Variants in NBEA observed in about 807,000 individuals in gnomAD.
NBEA encodes neurobeachin, also known as lysosomal-trafficking regulator 2.
In NBEA, 44 loss-of-function variants were observed where a neutral mutation model predicts 343.4. The ratio of observed to expected loss-of-function variants is 0.13; its 90% CI spans 0.10 to 0.16. NBEA has a LOEUF of 0.16. Among genes scored for constraint, NBEA ranks in the 10% least tolerant of loss-of-function variants. The pLI, the probability that NBEA is intolerant of heterozygous loss-of-function variation, is 1.00. For missense variants in NBEA, 2,555 were observed against 3,631.3 expected (o/e 0.70, Z 7.62); for synonymous variants, 1,175 against 1,238.7 (o/e 0.95, Z 1.08).
In NBEA at chr13:34,943,220, T is replaced by C. The variant is rs1593243514; in HGVS notation, c.294+106T>C. 9 of 1,429,500 alleles carry C rather than the reference T, an allele frequency of 6.3e-6. No homozygotes were observed. In the East Asian group the frequency reaches 2.0e-4, roughly 31 times the overall value. 88.6% of individuals were successfully genotyped at this position (1,429,500 alleles called of 1,614,324 possible). ...CCCCCAGGGTCACACGCGCCGCGCG[T>C]CCCTGGGAGCGCAGAGCGTTCAGCC... On this transcript the variant is annotated intron_variant, in intron 1 of 58. Coordinates refer to ENST00000379939, the MANE Select transcript of NBEA (RefSeq NM_001385012.1).
intron 44 of NBEA, among the ~76,000 whole-genome samples, chr13:35,561,781 A>G (rs2079869642): frequency 1.3e-5 from 2 of 152,160 alleles, no homozygotes; most frequent in South Asian, 4.1e-4. Context: ...ACACACATTT[A>G]CTGTATGTAA....
At chr13:35,567,927 G>A (rs946723902) in intron 45 of NBEA, among the ~76,000 whole-genome samples, 1 of 152,080 alleles carries the variant, frequency 6.6e-6, no homozygotes, top group Non-Finnish European at 1.5e-5. Flanking sequence ...CCCTTTTCTG[G>A]CCTTTGAAAC....
chr13:35,153,036 CTT>C (rs1170584559), intron 18 of NBEA, among the ~76,000 whole-genome samples: 23 of 123,322 alleles, frequency 1.9e-4, no homozygotes, highest in African/African-American at 4.7e-4. Flanking sequence ...TACATAGGTT[CTT>C]TTTTTTTTTT....
intron 41 of NBEA, among the ~76,000 whole-genome samples, chr13:35,489,521 A>G (rs2152972649): frequency 6.6e-6 from 1 of 152,034 alleles, no homozygotes; most frequent in Admixed American, 6.6e-5. Flanking sequence ...AATTCTCCAA[A>G]TCATAATCTA....
intron 45 of NBEA, among the ~76,000 whole-genome samples, chr13:35,569,119 G>A (rs1229272606): frequency 6.6e-6 from 1 of 152,110 alleles, no homozygotes; most frequent in Non-Finnish European, 1.5e-5. Context: ...ATTGATATAG[G>A]CCATATGCTT....
chr13:35,189,572 A>T (rs927377898), intron 30 of NBEA, among the ~76,000 whole-genome samples: 2 of 152,018 alleles, frequency 1.3e-5, no homozygotes, highest in Non-Finnish European at 2.9e-5. Flanking sequence ...AAAACAAGCT[A>T]GGGCAAGAGA....
chr13:35,236,042 T>A (rs2075212420), intron 34 of NBEA, among the ~76,000 whole-genome samples: 1 of 152,240 alleles, frequency 6.6e-6, no homozygotes, highest in South Asian at 2.1e-4. Flanking sequence ...GATGTAATAT[T>A]TATGTCTTTC....
chr13:35,646,129 A>G, intron 50 of NBEA, 130 bp from the exon 51 acceptor site: 1 of 759,160 alleles, frequency 1.3e-6, no homozygotes, highest in South Asian at 1.8e-5. Context: ...ACCCTGAGAA[A>G]AGAGCACCCG....
chr13:35,563,230 G>C (rs2079967639), intron 44 of NBEA, among the ~76,000 whole-genome samples: 1 of 151,402 alleles, frequency 6.6e-6, no homozygotes, highest in African/African-American at 2.4e-5. Flanking sequence ...GAAAAGGAAA[G>C]GACCCTACCA....
intron 34 of NBEA, among the ~76,000 whole-genome samples, chr13:35,272,394 C>T (rs765507144): frequency 6.6e-6 from 1 of 152,070 alleles, no homozygotes; most frequent in African/African-American, 2.4e-5. Flanking sequence ...CCAGCCACTG[C>T]GAAAACATGC....
chr13:35,426,114 G>T (rs1378954002), intron 38 of NBEA, among the ~76,000 whole-genome samples: 2 of 152,156 alleles, frequency 1.3e-5, no homozygotes, highest in Non-Finnish European at 2.9e-5. Flanking sequence ...TTGCCAGTCT[G>T]TTTCTTTTAA....
intron 36 of NBEA, among the ~76,000 whole-genome samples, chr13:35,312,564 T>C (rs1355757093): frequency 1.3e-5 from 2 of 152,216 alleles, no homozygotes; most frequent in African/African-American, 4.8e-5. Context: ...TGAAAATGTT[T>C]AGGTGTGGCC....
At chr13:35,652,260 G>A (rs940449097) in intron 53 of NBEA, among the ~76,000 whole-genome samples, 2 of 151,630 alleles carry the variant, frequency 1.3e-5, no homozygotes, top group Admixed American at 1.3e-4. Flanking sequence ...CAAGTTGATG[G>A]GTGCAGCAAA....
chr13:35,257,695 A>G (rs865887871), intron 34 of NBEA, among the ~76,000 whole-genome samples: 1 of 152,220 alleles, frequency 6.6e-6, no homozygotes, highest in South Asian at 2.1e-4. Context: ...TTTGAAAATC[A>G]TTCTTAAAAA....
At chr13:35,451,818 C>G (rs968071790) in intron 39 of NBEA, among the ~76,000 whole-genome samples, 2 of 152,192 alleles carry the variant, frequency 1.3e-5, no homozygotes, top group Non-Finnish European at 2.9e-5. Context: ...GTTCGTTTCT[C>G]TACCACTAGC....
intron 41 of NBEA, among the ~76,000 whole-genome samples, chr13:35,518,087 A>G (rs2077553467): frequency 6.6e-6 from 1 of 152,174 alleles, no homozygotes; most frequent in Non-Finnish European, 1.5e-5. Flanking sequence ...TTTAATGAGC[A>G]TGTACTTCCC....
intron 34 of NBEA, chr13:35,251,424 G>T: frequency 1.9e-6 from 2 of 1,055,758 alleles, no homozygotes. Context: ...CTCGTCAGTG[G>T]TGGCTCACTT....
At chr13:35,149,117 C>T (rs2068615090) in intron 18 of NBEA, among the ~76,000 whole-genome samples, 1 of 152,134 alleles carries the variant, frequency 6.6e-6, no homozygotes, top group Non-Finnish European at 1.5e-5. Flanking sequence ...CCACAAATCA[C>T]AAGATTAGTA....
chr13:35,411,199 A>C (rs1361765678), intron 38 of NBEA, among the ~76,000 whole-genome samples: 1 of 152,110 alleles, frequency 6.6e-6, no homozygotes, highest in Non-Finnish European at 1.5e-5. Context: ...CTTGTTTAAA[A>C]TTTCTGTTGA....
Sources: gnomAD v4.1 joint callset for allele counts (sites outside exome capture counted in the v4.1 genomes callset) on GRCh38, gnomAD v4.1.1 for gene constraint, MANE v1.5 for transcripts, NCBI Gene and HGNC (gene_info 2026-07-23, HGNC 2026-07-21) for gene names.